The following SORBS2 variants were observed in gnomAD, a reference collection of about 807,000 sequenced individuals.
SORBS2 encodes sorbin and SH3 domain containing 2, also known as sorbin and SH3 domain-containing protein 2.
In SORBS2, 46 loss-of-function variants were observed where a neutral mutation model predicts 97.7. The observed-to-expected ratio is 0.47, with a 90% CI of 0.37 to 0.60. SORBS2 has a LOEUF of 0.60. SORBS2 is among the 20% of genes least tolerant of loss of function. The pLI, the probability that SORBS2 is intolerant of heterozygous loss-of-function variation, is 0.00. For synonymous variants in SORBS2, 476 were observed against 473.4 expected (o/e 1.01, Z -0.07); for missense variants, 1,316 against 1,282.3 (o/e 1.03, Z -0.40).
intron 2 of SORBS2, among the ~76,000 whole-genome samples, chr4:185,770,487 G>A (rs2153622551): frequency 6.6e-6 from 1 of 152,280 alleles, no homozygotes; most frequent in East Asian, 1.9e-4. Context: ...GACTTTTAGA[G>A]TAGAGATGCT....
chr4:185,815,378 A>G (rs1419145691), intron 1 of SORBS2, among the ~76,000 whole-genome samples: 1 of 152,022 alleles, frequency 6.6e-6, no homozygotes, highest in Non-Finnish European at 1.5e-5. Context: ...TAAATTTGTT[A>G]TATTATTAAA....
At chr4:185,896,892 C>CAA (rs70962602) in intron 1 of SORBS2, among the ~76,000 whole-genome samples, 3 of 109,844 alleles carry the variant, frequency 2.7e-5, no homozygotes, top group African/African-American at 3.8e-5. Context: ...TACACATGGC[C>CAA]AAAAAAAAAA....
At chr4:185,602,890 T>C (rs1321620361) in intron 12 of SORBS2, among the ~76,000 whole-genome samples, 2 of 152,072 alleles carry the variant, frequency 1.3e-5, no homozygotes, top group East Asian at 3.8e-4. Context: ...ATTTATAAGG[T>C]TTAAAAAAAC....
intron 2 of SORBS2, among the ~76,000 whole-genome samples, chr4:185,688,401 T>C (rs1046586105): frequency 1.6e-4 from 24 of 151,154 alleles, no homozygotes; most frequent in African/African-American, 5.8e-4. Context: ...AATATTGATA[T>C]ATATATCAAT....
chr4:185,717,631 G>T (rs994693315), intron 2 of SORBS2, among the ~76,000 whole-genome samples: 25 of 152,166 alleles, frequency 1.6e-4, no homozygotes, highest in Non-Finnish European at 3.2e-4. Flanking sequence ...ACAAACTGAG[G>T]AGTGTAGTTA....
At chr4:185,886,673 G>C (rs76488991) in intron 1 of SORBS2, among the ~76,000 whole-genome samples, 2 of 151,872 alleles carry the variant, frequency 1.3e-5, no homozygotes, top group African/African-American at 4.8e-5. Context: ...ATGGGATTCC[G>C]TGTGGGAAAG....
chr4:185,637,773 C>T (rs1440716327), intron 4 of SORBS2, among the ~76,000 whole-genome samples: 2 of 152,082 alleles, frequency 1.3e-5, no homozygotes, highest in African/African-American at 2.4e-5. Flanking sequence ...AAATACAAAT[C>T]TTCTATACAG....
chr4:185,684,774 G>T lies in SORBS2; in HGVS notation c.-197-5952C>A. Reference sequence around the variant, plus strand: ...TATACCTGCAGCCAATAGGTTTGGAGAACTTTGCACTCTCTTCACAGATGT... The same window carrying T: ...TATACCTGCAGCCAATAGGTTTGGATAACTTTGCACTCTCTTCACAGATGT... On this transcript the variant is annotated intron_variant, in intron 2 of 20. Coordinates refer to the SORBS2 transcript ENST00000284776. This position sits in a 1 kb window ranked among gnomAD's most constrained non-coding sequence, Gnocchi z 4.2. 1 of 1,551,762 alleles carries T rather than the reference G, an allele frequency of 6.4e-7. No individual in the cohort carries two copies. The highest frequency in any genetic ancestry group is 8.7e-7 in the Non-Finnish European group (1 of 1,146,898).
At chr4:185,608,626 C>T (rs1437230387) in intron 12 of SORBS2, among the ~76,000 whole-genome samples, 3 of 152,120 alleles carry the variant, frequency 2.0e-5, no homozygotes, top group Admixed American at 2.0e-4. Flanking sequence ...TATATACACC[C>T]CATATGTACC....
At chr4:185,589,470 G>A (rs2095869112) in intron 14 of SORBS2, among the ~76,000 whole-genome samples, 1 of 152,094 alleles carries the variant, frequency 6.6e-6, no homozygotes, top group Non-Finnish European at 1.5e-5. Flanking sequence ...AATAAAGCTC[G>A]CAGAAAATCA....
Position 185,845,988 on chromosome 4 carries a change from G to C in SORBS2, c.-337-70622C>G, listed in dbSNP as rs140711692. Among the ~76,000 whole-genome samples, 675 of 152,330 alleles carry C rather than the reference G, an allele frequency of 4.4e-3. 5 individuals are homozygous for C. Among genetic ancestry groups the C allele is most frequent in the African/African-American group, 0.016 (654 of 41,570 alleles). ...GCAAAATAGTACAGACTCCTTGGAA[G>C]ATCGTTTCTGATACTGTTAAACATA... On this transcript the variant is annotated intron_variant, in intron 1 of 20. Coordinates refer to the SORBS2 transcript ENST00000284776.
chr4:185,646,407 A>ATG (rs1397965144), intron 4 of SORBS2: 35 of 314,394 alleles, frequency 1.1e-4, no homozygotes, highest in East Asian at 3.9e-4. Context: ...ATACACCTGC[A>ATG]TGTGTGTGTG....
intron 2 of SORBS2, among the ~76,000 whole-genome samples, chr4:185,719,134 G>T (rs749077346): frequency 6.6e-6 from 1 of 152,098 alleles, no homozygotes; most frequent in African/African-American, 2.4e-5. Flanking sequence ...TGATAGCATC[G>T]TTAAAGTATA....
intron 1 of SORBS2, among the ~76,000 whole-genome samples, chr4:185,797,027 T>C (rs2099107862): frequency 6.6e-6 from 1 of 152,224 alleles, no homozygotes. Flanking sequence ...TGTGGACATA[T>C]TCTTAGGCCC....
At chr4:185,752,354 C>A (rs2098805664) in intron 2 of SORBS2, among the ~76,000 whole-genome samples, 1 of 152,176 alleles carries the variant, frequency 6.6e-6, no homozygotes, top group South Asian at 2.1e-4. Flanking sequence ...TGGCTCACTG[C>A]AAGCTCCGCC....
At chr4:185,618,159 G>A (rs532020470) in intron 9 of SORBS2, among the ~76,000 whole-genome samples, 1 of 152,156 alleles carries the variant, frequency 6.6e-6, no homozygotes, top group Non-Finnish European at 1.5e-5. Flanking sequence ...ATTTTTTGTA[G>A]AGACATGGTT....
chr4:185,780,184 T>C (rs1486646316), intron 1 of SORBS2, among the ~76,000 whole-genome samples: 1 of 151,784 alleles, frequency 6.6e-6, no homozygotes, highest in Non-Finnish European at 1.5e-5. Context: ...CCCGGTTAAT[T>C]TTGTGTTTTT....
chr4:185,761,699 GA>G (rs1265317777), intron 2 of SORBS2: 1 of 152,242 alleles, frequency 6.6e-6, no homozygotes, highest in Non-Finnish European at 1.5e-5. Flanking sequence ...AAGAGAATCT[GA>G]GGAAAAGGGT....
At chr4:185,702,115 A>G (rs1377920463) in intron 2 of SORBS2, among the ~76,000 whole-genome samples, 1 of 152,254 alleles carries the variant, frequency 6.6e-6, no homozygotes, top group Middle Eastern at 3.4e-3. Context: ...GTATATATCT[A>G]CATACCTTGT....
Sources: allele counts gnomAD v4.1 joint callset (sites outside exome capture counted in the v4.1 genomes callset), GRCh38; gene constraint gnomAD v4.1.1; non-coding constraint Gnocchi (gnomAD v3.1); transcripts MANE v1.5; gene names NCBI Gene and HGNC (gene_info 2026-07-23, HGNC 2026-07-21).